POGZ: variants seen among roughly 807,000 people sequenced by gnomAD.
The protein encoded by POGZ is pogo transposable element derived with ZNF domain.
POGZ carries 17 observed loss-of-function variants against 134.6 expected under a neutral mutation model. The observed-to-expected ratio is 0.13, with a 90% CI of 0.09 to 0.19. The LOEUF is 0.19. Ranked by LOEUF, POGZ falls within the 10% of genes least tolerant of loss-of-function variation. The pLI, the probability that POGZ is intolerant of heterozygous loss-of-function variation, is 1.00. For synonymous variants in POGZ, 693 were observed against 657.1 expected (o/e 1.05, Z -0.84); for missense variants, 1,306 against 1,769.7 (o/e 0.74, Z 4.70).
At chr1:151,451,040 C>T (rs1255117527) in intron 1 of POGZ, 1 of 150,966 alleles carries the variant, frequency 6.6e-6, no homozygotes, top group Non-Finnish European at 1.5e-5. Context: ...TGTGGTGAAA[C>T]CCCGTCTCTA....
chr1:151,458,831 G>T (rs1254282255), intron 1 of POGZ, among the ~76,000 whole-genome samples: 2 of 145,520 alleles, frequency 1.4e-5, no homozygotes, highest in African/African-American at 4.9e-5. Flanking sequence ...GCGCCGCGGC[G>T]GGCGCCGGGG....
rs1571622444 is a variant in POGZ at position 151,459,312 on chromosome 1, G to A, written c.-162C>T. The A allele has an allele frequency of 6.6e-6, 1 of 151,632 alleles. No individual in the cohort carries two copies. Among genetic ancestry groups the A allele is most frequent in the East Asian group, 2.0e-4 (1 of 5,110 alleles). 9.4% of individuals were successfully genotyped at this position (151,632 alleles called of 1,614,324 possible). On this transcript the variant is annotated 5_prime_UTR_variant, in exon 1 of 19. Coordinates refer to ENST00000271715, the MANE Select transcript of POGZ (RefSeq NM_015100.4). ...ACCGTTGAAAGCTCGTCTCCCCAAGGGTGAAAGGAAGCCTCCCTCGGGTTC... is the reference window on the plus strand; with the variant it reads ...ACCGTTGAAAGCTCGTCTCCCCAAGAGTGAAAGGAAGCCTCCCTCGGGTTC...
chr1:151,416,035 G>A (rs929530577), intron 10 of POGZ, among the ~76,000 whole-genome samples: 3 of 146,432 alleles, frequency 2.0e-5, no homozygotes, highest in Non-Finnish European at 4.5e-5. Flanking sequence ...CCAACATGGC[G>A]AAACCCCGCC....
chr1:151,448,773 G>C (rs1032516702), intron 1 of POGZ, among the ~76,000 whole-genome samples: 1 of 152,150 alleles, frequency 6.6e-6, no homozygotes, highest in Non-Finnish European at 1.5e-5. Context: ...GCTGAGGTGG[G>C]AGAATCTCTT....
chr1:151,439,864 C>G (rs1660239429), intron 3 of POGZ, among the ~76,000 whole-genome samples: 1 of 152,102 alleles, frequency 6.6e-6, no homozygotes, highest in Non-Finnish European at 1.5e-5. Flanking sequence ...AGAAAAGATA[C>G]AGAGATAGGA....
chr1:151,414,812 T>C (rs1341467260), intron 10 of POGZ, among the ~76,000 whole-genome samples: 1 of 152,148 alleles, frequency 6.6e-6, no homozygotes, highest in Non-Finnish European at 1.5e-5. Context: ...TACATTGTGT[T>C]ATCTCAAGAA....
intron 3 of POGZ, among the ~76,000 whole-genome samples, chr1:151,433,838 A>G (rs1165807585): frequency 6.6e-6 from 1 of 152,112 alleles, no homozygotes; most frequent in Non-Finnish European, 1.5e-5. Context: ...TTTCCAGAGG[A>G]TGAAACAGGC....
In POGZ at chr1:151,405,180, C is replaced by G; in HGVS notation, c.3855G>C (p.Arg1285=). Residue 1285 remains arginine, a synonymous_variant, in exon 19 of 19, where the codon CGG becomes CGC. Transcript: ENST00000271715. The surrounding 1 kb of genome is among the most constrained non-coding windows in gnomAD (Gnocchi z 4.9). ...FLHKKWKEQA[R]EMADTACDSD... ...AATCACATGCAGTATCTGCCATTTC[C>G]CGAGCCTGTTCCTTCCATTTTTTAT... 6.2e-7 allele frequency: 1 copy of G among 1,614,204 alleles called. No homozygotes were observed. The highest frequency in any genetic ancestry group is 1.1e-5 in the South Asian group (1 of 91,080).
intron 10 of POGZ, among the ~76,000 whole-genome samples, chr1:151,416,280 A>G (rs1316290180): frequency 6.9e-6 from 1 of 145,102 alleles, no homozygotes; most frequent in African/African-American, 2.5e-5. Context: ...AATCAGACAG[A>G]GTGCGGTGGC....
chr1:151,449,347 G>C (rs1661716851), intron 1 of POGZ, among the ~76,000 whole-genome samples: 1 of 152,136 alleles, frequency 6.6e-6, no homozygotes, highest in South Asian at 2.1e-4. Context: ...AATGTCTAGA[G>C]ACATTTTTGG....
rs1303446384 is a variant in POGZ at position 151,427,909 on chromosome 1, C to A, written c.992G>T (p.Gly331Val). The A allele has an allele frequency of 1.2e-6, 2 of 1,614,022 alleles. No individual in the cohort carries two copies. The highest frequency in any genetic ancestry group is 2.2e-5 in the South Asian group (2 of 91,088). The change falls in exon 7 of 19, where the codon GGC (glycine) becomes GTC (valine). Residue 331 changes from glycine (G) to valine (V), a missense_variant. Physicochemically the swap from Gly to Val is moderately radical, Grantham distance 109 (BLOSUM62 -3). This residue lies in a region of POGZ where 541 missense variants were observed against 680.5 expected (regional missense o/e 0.80). Coordinates refer to ENST00000271715, the MANE Select transcript of POGZ (RefSeq NM_015100.4). ...VNTLNTIPSL[G>V]QSPGPVVVSN... The stretch of plus-strand genomic sequence containing the variant: ...CACCACCACTGGCCCAGGACTCTGG[C>A]CCAGGGAAGGGATGGTGTTAAGGGT...
chr1:151,424,294 G>A lies in POGZ; in HGVS notation c.1186-8C>T. The A allele has an allele frequency of 6.6e-7, 1 of 1,513,706 alleles. No homozygotes were observed. The highest frequency in any genetic ancestry group is 1.3e-5 in the South Asian group (1 of 79,902). The allele number at this position is 1,513,706 out of a possible 1,614,324, so 93.8% of individuals were successfully genotyped here. A position where few individuals can be genotyped will look rare whatever the true frequency, so the allele number is the denominator to read the frequency against. Reference sequence around the variant, plus strand: ...CATTTCTGGGCAACAGTACTATAAAGAAAGACATCTGATCATTCTGGTTAT... The same window carrying A: ...CATTTCTGGGCAACAGTACTATAAAAAAAGACATCTGATCATTCTGGTTAT... On this transcript the variant is annotated splice_region_variant and splice_polypyrimidine_tract_variant and intron_variant, in intron 8 of 18. Transcript: ENST00000271715.
At chr1:151,445,566 G>A (rs1459475834) in intron 1 of POGZ, among the ~76,000 whole-genome samples, 6 of 140,536 alleles carry the variant, frequency 4.3e-5, no homozygotes, top group South Asian at 2.3e-4. Flanking sequence ...AAAAAAGAAA[G>A]AAAAAAAAGA....
chr1:151,411,826 C>G (rs1170824212), intron 11 of POGZ, 55 bp from the exon 12 acceptor site: 2 of 1,454,192 alleles, frequency 1.4e-6, no homozygotes, highest in Admixed American at 2.5e-5. Flanking sequence ...AACTGAGAGG[C>G]CTTAAAAAAA....
chr1:151,420,835 T>C (rs777876669), intron 10 of POGZ, among the ~76,000 whole-genome samples: 19 of 152,128 alleles, frequency 1.2e-4, no homozygotes, highest in Non-Finnish European at 2.4e-4. Flanking sequence ...ATTTTTAATA[T>C]ACTGAATAAA....
At chr1:151,409,136 A>C (rs930841941) in intron 12 of POGZ, among the ~76,000 whole-genome samples, 3 of 152,166 alleles carry the variant, frequency 2.0e-5, no homozygotes, top group African/African-American at 7.2e-5. Flanking sequence ...ATATCTTTAC[A>C]CTGCTGACAA....
intron 10 of POGZ, among the ~76,000 whole-genome samples, chr1:151,421,525 A>T (rs1324094361): frequency 6.6e-6 from 1 of 152,226 alleles, no homozygotes; most frequent in African/African-American, 2.4e-5. Context: ...ATATAAAAGG[A>T]AAGCAATTCT....
At chr1:151,425,664 T>C (rs538215877) in intron 7 of POGZ, among the ~76,000 whole-genome samples, 9 of 152,336 alleles carry the variant, frequency 5.9e-5, no homozygotes, top group Middle Eastern at 3.4e-3. Flanking sequence ...GGTTCAACCA[T>C]GTTGCAGCAC....
At chr1:151,406,771 G>A (rs1653725644) in intron 17 of POGZ, 140 bp from the exon 18 acceptor site, 1 of 1,010,244 alleles carries the variant, frequency 9.9e-7, no homozygotes, top group African/African-American at 1.6e-5. Flanking sequence ...TAAACTTCAG[G>A]TCGGAAGGTT....
Sources: gnomAD v4.1 joint callset for allele counts (sites outside exome capture counted in the v4.1 genomes callset) on GRCh38, gnomAD v4.1.1 for gene constraint, gnomAD v4.1.1 regional missense constraint, Gnocchi (gnomAD v3.1) non-coding constraint, MANE v1.5 for transcripts, NCBI Gene and HGNC (gene_info 2026-07-23, HGNC 2026-07-21) for gene names.